RIMS2: variants seen among roughly 807,000 people sequenced by gnomAD.
The protein encoded by RIMS2 is regulating synaptic membrane exocytosis protein 2.
RIMS2 carries 59 observed loss-of-function variants against 174.4 expected under a neutral mutation model. The ratio of observed to expected loss-of-function variants is 0.34; its 90% confidence interval spans 0.27 to 0.42. RIMS2 has a LOEUF of 0.42. Ranked by LOEUF, RIMS2 falls within the 10% of genes least tolerant of loss-of-function variation. The pLI is 1.00. For synonymous variants in RIMS2, 606 were observed against 572.5 expected, an observed-to-expected ratio of 1.06 and a Z score of -0.84; for missense variants, 1,620 against 1,666.3, an observed-to-expected ratio of 0.97 and a Z score of 0.48.
chr8:104,171,622 T>A lies in RIMS2; in HGVS notation c.3335-73294T>A, dbSNP rs370651210. Among the ~76,000 whole-genome samples, 4 of 152,138 alleles carry A rather than the reference T, an allele frequency of 2.6e-5. No individual in the cohort carries two copies. The East Asian group carries it at 5.8e-4, about 22-fold the overall frequency. On this transcript the variant is annotated intron_variant, in intron 19 of 23. Transcript: ENST00000504942. Reference sequence around the variant, plus strand: ...TTGAGTAGCTTAATCATCAACCTTCTGAATTTTTTATCTGGCATTTCAGAG... The same window carrying A: ...TTGAGTAGCTTAATCATCAACCTTCAGAATTTTTTATCTGGCATTTCAGAG...
At chr8:104,019,480 A>G (rs1442855661) in intron 19 of RIMS2, among the ~76,000 whole-genome samples, 1 of 152,178 alleles carries the variant, frequency 6.6e-6, no homozygotes, top group Admixed American at 6.5e-5. Flanking sequence ...TGTACATAAG[A>G]TATATTTTCA....
intron 1 of RIMS2, among the ~76,000 whole-genome samples, chr8:103,662,520 A>G (rs1195294544): frequency 1.3e-5 from 2 of 152,182 alleles, no homozygotes; most frequent in Admixed American, 6.5e-5. Flanking sequence ...TTGTTCAAGC[A>G]GAAAGCAGTT....
chr8:103,553,971 A>G (rs1478267524), intron 1 of RIMS2, among the ~76,000 whole-genome samples: 1 of 152,182 alleles, frequency 6.6e-6, no homozygotes. Context: ...CGTTCAATAA[A>G]TAGTGCTGGA....
intron 19 of RIMS2, among the ~76,000 whole-genome samples, chr8:104,089,231 G>A (rs1341676736): frequency 6.6e-6 from 1 of 151,778 alleles, no homozygotes; most frequent in Non-Finnish European, 1.5e-5. Context: ...AAAACATTAT[G>A]TATTGTATAG....
chr8:103,697,300 C>T lies in RIMS2; in HGVS notation c.387+4C>T. Reference sequence around the variant, plus strand: ...AGTGTCATTACGCTCAAACAAGGTACAGAAATGAAAATTACAGTTCTCTTC... The same window carrying T: ...AGTGTCATTACGCTCAAACAAGGTATAGAAATGAAAATTACAGTTCTCTTC... On this transcript the variant is annotated splice_donor_region_variant and intron_variant, in intron 2 of 23. Coordinates refer to ENST00000504942, the Ensembl canonical transcript of RIMS2. The T allele has an allele frequency of 6.2e-7, 1 of 1,606,336 alleles. No individual in the cohort carries two copies. Among genetic ancestry groups the T allele is most frequent in the Non-Finnish European group, 8.5e-7 (1 of 1,173,004 alleles).
intron 4 of RIMS2, among the ~76,000 whole-genome samples, chr8:103,907,596 T>C (rs2074720347): frequency 6.6e-6 from 1 of 152,048 alleles, no homozygotes; most frequent in South Asian, 2.1e-4. Flanking sequence ...CCCTAAATGT[T>C]AGAATTCAGT....
chr8:104,100,876 AAT>A (rs1332648650), intron 19 of RIMS2, among the ~76,000 whole-genome samples: 39 of 141,354 alleles, frequency 2.8e-4, no homozygotes, highest in African/African-American at 8.3e-4. Context: ...TTATATATGT[AAT>A]ATATATCATA....
chr8:103,777,060 A>G (rs1361964633), intron 3 of RIMS2, among the ~76,000 whole-genome samples: 1 of 152,116 alleles, frequency 6.6e-6, no homozygotes, highest in African/African-American at 2.4e-5. Context: ...CAAGGGAAGA[A>G]TTGAACACAT....
intron 1 of RIMS2, among the ~76,000 whole-genome samples, chr8:103,560,765 C>G (rs1293369732): frequency 6.6e-6 from 1 of 152,104 alleles, no homozygotes; most frequent in African/African-American, 2.4e-5. Flanking sequence ...ATTTCTTTCA[C>G]TTTATCAAAT....
At chr8:104,041,730 CA>C (rs1184635550) in intron 19 of RIMS2, among the ~76,000 whole-genome samples, 2 of 151,344 alleles carry the variant, frequency 1.3e-5, no homozygotes, top group African/African-American at 2.4e-5. Flanking sequence ...AAAATAATTC[CA>C]AAAGTATTTG....
At chr8:104,054,924 A>G (rs554778907) in intron 19 of RIMS2, among the ~76,000 whole-genome samples, 1 of 152,250 alleles carries the variant, frequency 6.6e-6, no homozygotes, top group East Asian at 1.9e-4. Context: ...ATATCTAACA[A>G]CTAATACTTT....
At chr8:103,891,113 C>T (rs930208219) in intron 4 of RIMS2, among the ~76,000 whole-genome samples, 4 of 152,028 alleles carry the variant, frequency 2.6e-5, no homozygotes, top group Non-Finnish European at 5.9e-5. Context: ...CATTGGGTCT[C>T]CTCCCCACTT....
chr8:103,665,969 T>G (rs2096663816), intron 1 of RIMS2, among the ~76,000 whole-genome samples: 1 of 152,224 alleles, frequency 6.6e-6, no homozygotes, highest in African/African-American at 2.4e-5. Context: ...TATTAATACT[T>G]ATTTAGTACA....
intron 15 of RIMS2, among the ~76,000 whole-genome samples, chr8:103,966,170 G>T (rs191343711): frequency 3.2e-4 from 49 of 152,194 alleles, no homozygotes; most frequent in Admixed American, 2.0e-3. Flanking sequence ...TAGTCTCTCT[G>T]ATTCTGTTCT....
chr8:103,681,094 A>T (rs2096874527), intron 1 of RIMS2, among the ~76,000 whole-genome samples: 1 of 152,058 alleles, frequency 6.6e-6, no homozygotes, highest in Admixed American at 6.6e-5. Flanking sequence ...CAGAAACATT[A>T]TACAGCCATT....
At chr8:103,663,544 A>G (rs2096630133) in intron 1 of RIMS2, among the ~76,000 whole-genome samples, 1 of 152,212 alleles carries the variant, frequency 6.6e-6, no homozygotes, top group Admixed American at 6.5e-5. Context: ...TACTACAAAT[A>G]GAATAAAATA....
intron 1 of RIMS2, among the ~76,000 whole-genome samples, chr8:103,565,755 T>C (rs1003864349): frequency 1.3e-5 from 2 of 152,206 alleles, no homozygotes; most frequent in Admixed American, 1.3e-4. Context: ...GTGATGCCAG[T>C]GGGCTTAGGG....
intron 7 of RIMS2, among the ~76,000 whole-genome samples, chr8:103,916,167 A>G (rs1317562823): frequency 6.6e-6 from 1 of 152,092 alleles, no homozygotes; most frequent in African/African-American, 2.4e-5. Context: ...TCGAATTTCT[A>G]TTAAGAAATC....
At chr8:104,194,326 A>C (rs2099012892) in intron 19 of RIMS2, among the ~76,000 whole-genome samples, 1 of 152,142 alleles carries the variant, frequency 6.6e-6, no homozygotes, top group Non-Finnish European at 1.5e-5. Flanking sequence ...TATTACAAAT[A>C]TTATTGGGCA....
Sources: gnomAD v4.1 joint callset for allele counts (sites outside exome capture counted in the v4.1 genomes callset) on GRCh38, gnomAD v4.1.1 for gene constraint, MANE v1.5 for transcripts, NCBI Gene and HGNC (gene_info 2026-07-23, HGNC 2026-07-21) for gene names.